The following PTPRM variants were observed in gnomAD, a reference collection of about 807,000 sequenced individuals.
PTPRM encodes protein tyrosine phosphatase receptor type M, also known as receptor-type tyrosine-protein phosphatase mu.
A neutral mutation model predicts 186.7 loss-of-function variants in PTPRM; 47 were observed. The observed-to-expected ratio is 0.25, with a 90% CI of 0.20 to 0.32. The LOEUF (loss-of-function observed/expected upper bound fraction) is 0.32, where lower values mean the gene tolerates loss of function less well. PTPRM is among the 10% of genes least tolerant of loss of function. PTPRM has a pLI of 1.00. For synonymous variants in PTPRM, 668 were observed against 674.9 expected, an observed-to-expected ratio of 0.99 and a Z score of 0.16; for missense variants, 1,494 against 1,865.0, an observed-to-expected ratio of 0.80 and a Z score of 3.66.
At chr18:8,332,463 A>G (rs745839224) in intron 22 of PTPRM, among the ~76,000 whole-genome samples, 20 of 152,222 alleles carry the variant, frequency 1.3e-4, no homozygotes, top group Non-Finnish European at 2.4e-4. Flanking sequence ...GAAACTAAGT[A>G]TGTAGAGAAA....
intron 1 of PTPRM, among the ~76,000 whole-genome samples, chr18:7,640,115 T>A (rs1284381505): frequency 6.6e-6 from 1 of 152,064 alleles, no homozygotes; most frequent in Non-Finnish European, 1.5e-5. Flanking sequence ...TACTGAGCAT[T>A]GAGGGGGAAA....
intron 4 of PTPRM, among the ~76,000 whole-genome samples, chr18:7,921,362 T>C (rs1335384051): frequency 1.3e-5 from 2 of 151,336 alleles, no homozygotes; most frequent in East Asian, 3.9e-4. Flanking sequence ...CCCATTCTGT[T>C]GTTAAGAGCC....
intron 14 of PTPRM, among the ~76,000 whole-genome samples, chr18:8,214,237 CT>C (rs1476184932): frequency 6.6e-6 from 1 of 152,018 alleles, no homozygotes; most frequent in African/African-American, 2.4e-5. Flanking sequence ...ACTTGTTCCC[CT>C]AAAGCTATTA....
At chr18:7,652,197 A>T (rs1036795877) in intron 1 of PTPRM, among the ~76,000 whole-genome samples, 1 of 152,330 alleles carries the variant, frequency 6.6e-6, no homozygotes, top group South Asian at 2.1e-4. Context: ...TCAAAACCAC[A>T]ATGAGATATC....
intron 1 of PTPRM, among the ~76,000 whole-genome samples, chr18:7,703,049 G>A (rs989883503): frequency 5.9e-5 from 9 of 152,196 alleles, no homozygotes; most frequent in African/African-American, 2.2e-4. Flanking sequence ...ATCTGTTTTG[G>A]TACCAGTACC....
chr18:8,293,530 T>A (rs538708419), intron 19 of PTPRM, among the ~76,000 whole-genome samples: 81 of 136,296 alleles, frequency 5.9e-4, no homozygotes, highest in Non-Finnish European at 1.1e-3. Flanking sequence ...TCCATCTTCC[T>A]ACAAAAAACA....
intron 22 of PTPRM, among the ~76,000 whole-genome samples, chr18:8,337,546 C>G (rs2095446866): frequency 6.6e-6 from 1 of 152,190 alleles, no homozygotes; most frequent in South Asian, 2.1e-4. Context: ...GGGGCCAGGA[C>G]AGTGGTATAA....
At chr18:8,041,965 G>A (rs1054164819) in intron 7 of PTPRM, among the ~76,000 whole-genome samples, 1 of 152,164 alleles carries the variant, frequency 6.6e-6, no homozygotes, top group African/African-American at 2.4e-5. Flanking sequence ...CTCACTGCAG[G>A]CTGATGGCTA....
At chr18:8,191,093 G>A (rs1393413579) in intron 14 of PTPRM, among the ~76,000 whole-genome samples, 4 of 152,150 alleles carry the variant, frequency 2.6e-5, no homozygotes, top group African/African-American at 7.2e-5. Flanking sequence ...AATGGGGATG[G>A]GCACAGAGTA....
intron 13 of PTPRM, among the ~76,000 whole-genome samples, chr18:8,143,366 T>G (rs2092807758): frequency 6.6e-6 from 1 of 151,836 alleles, no homozygotes; most frequent in Admixed American, 6.6e-5. Context: ...TAAAATAATA[T>G]TTTTCTAAAA....
intron 1 of PTPRM, among the ~76,000 whole-genome samples, chr18:7,744,064 A>G (rs1396723269): frequency 6.6e-6 from 1 of 152,202 alleles, no homozygotes; most frequent in Non-Finnish European, 1.5e-5. Context: ...ACCAGACTAT[A>G]CATTTTCAAG....
At chr18:7,846,818 A>T (rs1217335426) in intron 2 of PTPRM, among the ~76,000 whole-genome samples, 1 of 152,086 alleles carries the variant, frequency 6.6e-6, no homozygotes, top group African/African-American at 2.4e-5. Flanking sequence ...ACTGCTGGCT[A>T]CTAATTCTGA....
intron 7 of PTPRM, among the ~76,000 whole-genome samples, chr18:8,025,925 G>A (rs1056453068): frequency 2.0e-5 from 3 of 152,212 alleles, no homozygotes; most frequent in Non-Finnish European, 4.4e-5. Flanking sequence ...ACCTGTGTCA[G>A]AGATTTTCCA....
chr18:7,898,250 G>C (rs778054849), intron 3 of PTPRM, among the ~76,000 whole-genome samples: 1 of 152,194 alleles, frequency 6.6e-6, no homozygotes, highest in African/African-American at 2.4e-5. Context: ...AAACCAGAAG[G>C]ATAGACTAGG....
rs762141998 is a variant in PTPRM at position 8,244,245 on chromosome 18, C to G, written c.2452+36C>G. The G allele has an allele frequency of 4.1e-6, 6 of 1,480,640 alleles. No homozygotes were observed. In the Admixed American group the frequency reaches 1.6e-4, roughly 39 times the overall value. 91.7% of individuals were successfully genotyped at this position (1,480,640 alleles called of 1,614,324 possible). A position where few individuals can be genotyped will look rare whatever the true frequency, so the allele number is the denominator to read the frequency against. The stretch of plus-strand genomic sequence containing the variant: ...ATGTTTCTTGGCTTCTAACACATCT[C>G]CTTGGTTTTGCAAGATTCCAGGTGG... On this transcript the variant is annotated intron_variant, in intron 15 of 32. Transcript: ENST00000580170.
intron 7 of PTPRM, among the ~76,000 whole-genome samples, chr18:8,062,975 G>C (rs1255376283): frequency 6.7e-6 from 1 of 149,372 alleles, no homozygotes; most frequent in Non-Finnish European, 1.5e-5. Context: ...TAGAGCTGTG[G>C]TGGGCTCCAC....
intron 2 of PTPRM, 33 bp from the exon 3 acceptor site, chr18:7,888,073 A>G (rs936344004): frequency 6.8e-6 from 11 of 1,613,750 alleles, no homozygotes; most frequent in African/African-American, 1.3e-5. Context: ...GTAGTGTTTC[A>G]GGGTATGACT....
At chr18:8,275,677 C>T (rs535213424) in intron 19 of PTPRM, among the ~76,000 whole-genome samples, 3 of 152,222 alleles carry the variant, frequency 2.0e-5, no homozygotes, top group South Asian at 2.1e-4. Context: ...TCTAACTCCT[C>T]GAGAAAAGGG....
chr18:8,124,363 C>G (rs1475219632), intron 13 of PTPRM, among the ~76,000 whole-genome samples: 1 of 152,184 alleles, frequency 6.6e-6, no homozygotes, highest in African/African-American at 2.4e-5. Context: ...ACTTCGATAG[C>G]AGTGACACTG....
Sources: allele counts gnomAD v4.1 joint callset (sites outside exome capture counted in the v4.1 genomes callset), GRCh38; gene constraint gnomAD v4.1.1; transcripts MANE v1.5; gene names NCBI Gene and HGNC (gene_info 2026-07-23, HGNC 2026-07-21).